Variants in C11orf65 observed in about 807,000 individuals in gnomAD.
The protein encoded by C11orf65 is chromosome 11 open reading frame 65, also known as protein MFI.
A neutral mutation model predicts 35.3 loss-of-function variants in C11orf65; 38 were observed. The observed-to-expected ratio is 1.08, with a 90% CI of 0.83 to 1.41. C11orf65 has a LOEUF of 1.41. Among genes scored for constraint, C11orf65 ranks in the 40% most tolerant of loss-of-function variants. The probability of loss-of-function intolerance (pLI) is 0.00; values close to 1 mark genes in which losing one functional copy is unlikely to be tolerated. For synonymous variants in C11orf65, 105 were observed against 114.4 expected (o/e 0.92, Z 0.53); for missense variants, 370 against 367.1 (o/e 1.01, Z -0.06).
At chr11:108,362,030 A>C (rs2090828374) in intron 2 of C11orf65, among the ~76,000 whole-genome samples, 1 of 133,416 alleles carries the variant, frequency 7.5e-6, no homozygotes, top group African/African-American at 2.8e-5. Flanking sequence ...AATGGGAGAA[A>C]ATTTTCGCAA....
chr11:108,348,158 A>C (rs542848535), intron 2 of C11orf65, among the ~76,000 whole-genome samples: 2 of 152,242 alleles, frequency 1.3e-5, no homozygotes, highest in Admixed American at 1.3e-4. Context: ...TTGAAGTATT[A>C]ATGGAATTTC....
chr11:108,330,400 T>C (rs34393781), downstream of C11orf65: 469 of 1,614,064 alleles, frequency 2.9e-4, 1 homozygote, highest in Non-Finnish European at 3.9e-4. Flanking sequence ...CTGGAGTTTC[T>C]GAAGTCAATG....
chr11:108,393,963 C>T (rs1164047174), intron 6 of C11orf65, among the ~76,000 whole-genome samples: 2 of 151,950 alleles, frequency 1.3e-5, no homozygotes, highest in Non-Finnish European at 2.9e-5. Flanking sequence ...GGGTGGATCA[C>T]GAAGTCAGGA....
Position 108,406,754 on chromosome 11 carries a change from T to C in C11orf65, c.429+9A>G, listed in dbSNP as rs1223883636. On this transcript the variant is annotated intron_variant, in intron 5 of 8. Transcript: ENST00000393084. ...GTAAGGTTAAAAATTAACATTTCTC[T>C]TTTCTTACTGTATCAGAAACTGGCC... The C allele has an allele frequency of 6.4e-7, 1 of 1,550,412 alleles. No individual in the cohort carries two copies. The highest frequency in any genetic ancestry group is 1.7e-5 in the Admixed American group (1 of 57,798).
rs376904109 is a variant in C11orf65, at chr11:108,464,873, G to A, written c.-10+2598C>T. On this transcript the variant is annotated intron_variant, in intron 1 of 8. Coordinates refer to ENST00000393084, the MANE Select transcript of C11orf65 (RefSeq NM_152587.5). ...ATATAACTTCATTAAAAAAAACAGC[G>A]TGCATATTGAAACCTAACACTGCCA... Among the ~76,000 whole-genome samples the A allele has an allele frequency of 4.4e-4, 67 of 151,872 alleles. 1 individual carries two copies. Among genetic ancestry groups the A allele is most frequent in the African/African-American group, 8.7e-4 (36 of 41,402 alleles).
chr11:108,359,436 C>A (rs1299311979), intron 2 of C11orf65, among the ~76,000 whole-genome samples: 1 of 152,080 alleles, frequency 6.6e-6, no homozygotes, highest in Non-Finnish European at 1.5e-5. Context: ...CAGCTCTGCA[C>A]CAAGCGGACC....
intron 3 of C11orf65, among the ~76,000 whole-genome samples, chr11:108,420,101 A>G (rs1345247021): frequency 1.4e-5 from 2 of 143,012 alleles, no homozygotes; most frequent in Non-Finnish European, 3.0e-5. Flanking sequence ...TCTACATAAT[A>G]GCATCAAAAA....
chr11:108,375,567 A>C (rs1591414588), intron 2 of C11orf65, among the ~76,000 whole-genome samples: 1 of 151,504 alleles, frequency 6.6e-6, no homozygotes, highest in African/African-American at 2.4e-5. Flanking sequence ...CTAGGAAGAA[A>C]CTGCATCAAC....
At chr11:108,440,757 G>A (rs76583338) in intron 2 of C11orf65, among the ~76,000 whole-genome samples, 17 of 152,258 alleles carry the variant, frequency 1.1e-4, no homozygotes, top group Non-Finnish European at 1.9e-4. Context: ...AGACTAAGAG[G>A]TTCCAGAATG....
chr11:108,317,444 C>T, intron 6 of C11orf65: 1 of 1,612,136 alleles, frequency 6.2e-7, no homozygotes, highest in Non-Finnish European at 8.5e-7. Flanking sequence ...AAAATAAAGA[C>T]TGGTGTCCTG....
At chr11:108,434,787 T>C (rs1225038825) in intron 2 of C11orf65, among the ~76,000 whole-genome samples, 1 of 152,242 alleles carries the variant, frequency 6.6e-6, no homozygotes, top group African/African-American at 2.4e-5. Flanking sequence ...AAAAACCTTC[T>C]GTGTACTTTG....
intron 3 of C11orf65, among the ~76,000 whole-genome samples, chr11:108,333,180 G>C (rs1387212046): frequency 6.6e-6 from 1 of 152,132 alleles, no homozygotes; most frequent in Non-Finnish European, 1.5e-5. Flanking sequence ...ATAGAGGCAA[G>C]TCTATTAAAA....
At chr11:108,324,039 G>A (rs982334896) in intron 6 of C11orf65, among the ~76,000 whole-genome samples, 3 of 120,172 alleles carry the variant, frequency 2.5e-5, no homozygotes, top group Admixed American at 9.5e-5. Flanking sequence ...TCAACCAACC[G>A]CAGATCAAAA....
chr11:108,458,482 G>A (rs934047144), intron 2 of C11orf65, among the ~76,000 whole-genome samples: 1 of 152,030 alleles, frequency 6.6e-6, no homozygotes, highest in African/African-American at 2.4e-5. Flanking sequence ...CAGCCTCTCA[G>A]GATCAGCACA....
At chr11:108,419,317 C>T (rs942207116) in intron 3 of C11orf65, among the ~76,000 whole-genome samples, 3 of 152,022 alleles carry the variant, frequency 2.0e-5, no homozygotes, top group African/African-American at 7.2e-5. Context: ...ATTTAACATT[C>T]AAACAAAAAA....
intron 2 of C11orf65, among the ~76,000 whole-genome samples, chr11:108,374,410 G>A (rs930573815): frequency 2.3e-4 from 35 of 152,310 alleles, no homozygotes; most frequent in African/African-American, 7.7e-4. Flanking sequence ...AACTCCAACA[G>A]ACCTGCAGCT....
intron 1 of C11orf65, among the ~76,000 whole-genome samples, chr11:108,464,099 G>A (rs1315223697): frequency 1.3e-5 from 2 of 151,642 alleles, no homozygotes; most frequent in African/African-American, 2.4e-5. Flanking sequence ...GCTAATTTTT[G>A]TATTTTTAGT....
chr11:108,446,580 T>G (rs898112945), intron 2 of C11orf65, among the ~76,000 whole-genome samples: 35 of 151,980 alleles, frequency 2.3e-4, no homozygotes, highest in African/African-American at 5.6e-4. Context: ...ACAAGCAAAT[T>G]CTGAGACATT....
intron 3 of C11orf65, among the ~76,000 whole-genome samples, chr11:108,421,562 G>A (rs972572228): frequency 2.0e-5 from 3 of 152,120 alleles, no homozygotes; most frequent in Admixed American, 6.5e-5. Context: ...GGAGGCTGAA[G>A]CAGGAGAATC....
Sources: gnomAD v4.1 joint callset for allele counts (sites outside exome capture counted in the v4.1 genomes callset) on GRCh38, gnomAD v4.1.1 for gene constraint, MANE v1.5 for transcripts, NCBI Gene and HGNC (gene_info 2026-07-23, HGNC 2026-07-21) for gene names.